SNX4: variants seen among roughly 807,000 people sequenced by gnomAD.
SNX4 encodes sorting nexin 4, also known as sorting nexin-4.
In SNX4, 49 loss-of-function variants were observed where a neutral mutation model predicts 70.8. That is an observed-to-expected ratio of 0.69 (90% CI 0.55 to 0.88). The LOEUF (loss-of-function observed/expected upper bound fraction) is 0.88, where lower values mean the gene tolerates loss of function less well. SNX4 is among the 40% of genes least tolerant of loss of function. The pLI is 0.00. For missense variants in SNX4, 528 were observed against 544.8 expected (o/e 0.97, Z 0.31); for synonymous variants, 206 against 183.8 (o/e 1.12, Z -0.98).
chr3:125,475,969 A>AC (rs1480498734), intron 8 of SNX4, among the ~76,000 whole-genome samples: 1 of 151,018 alleles, frequency 6.6e-6, no homozygotes, highest in Non-Finnish European at 1.5e-5. Context: ...ACAAAGTGAG[A>AC]CCCTGTATTA....
chr3:125,520,089 C>A lies in SNX4; in HGVS notation c.84G>T (p.Gly28=). ...EPLGSPDAGL[G]AAVGKEAEGA... ...CCTCCGCTTCCTTGCCGACCGCAGC[C>A]CCCAGCCCAGCGTCTGGGGAGCCCA... The change falls in exon 1 of 14, where the codon GGG becomes GGT. Residue 28 remains glycine (G), a synonymous_variant. Transcript: ENST00000251775. The A allele has an allele frequency of 6.5e-7, 1 of 1,534,836 alleles. No homozygotes were observed. Among genetic ancestry groups the A allele is most frequent in the South Asian group, 1.2e-5 (1 of 81,856 alleles).
chr3:125,487,654 G>T (rs1281016462), intron 6 of SNX4, among the ~76,000 whole-genome samples: 2 of 151,576 alleles, frequency 1.3e-5, no homozygotes, highest in East Asian at 3.9e-4. Context: ...TATATACCAT[G>T]CATGTTAGTA....
In SNX4 at chr3:125,480,218, G is replaced by A; in HGVS notation, c.726+29C>T. On this transcript the variant is annotated intron_variant, in intron 7 of 13. Transcript: ENST00000251775. ...ATGAGAAGCACTTCCTTATGCATGT[G>A]CATCAAAAAGCTTTTGGGGACCACT... The A allele has an allele frequency of 2.8e-6, 4 of 1,418,042 alleles. No individual in the cohort carries two copies. The South Asian group carries it at 5.8e-5, about 21-fold the overall frequency. The allele number at this position is 1,418,042 out of a possible 1,614,324, so 87.8% of individuals were successfully genotyped here.
At chr3:125,495,285 C>CAAACACAT (rs144579998) in intron 5 of SNX4, among the ~76,000 whole-genome samples, 1 of 61,812 alleles carries the variant, frequency 1.6e-5, no homozygotes, top group Non-Finnish European at 3.4e-5. Context: ...TATACACATA[C>CAAACACAT]ACACACACAC....
chr3:125,488,586 C>G (rs997227894), intron 6 of SNX4, among the ~76,000 whole-genome samples: 1 of 152,072 alleles, frequency 6.6e-6, no homozygotes, highest in Non-Finnish European at 1.5e-5. Context: ...TATGAAAAAT[C>G]AGGGGCATTT....
intron 1 of SNX4, among the ~76,000 whole-genome samples, chr3:125,507,274 G>A (rs145449490): frequency 2.4e-3 from 371 of 151,928 alleles, no homozygotes; most frequent in Non-Finnish European, 4.2e-3. Context: ...TTCACTAGAG[G>A]GGTTCAAAGG....
Position 125,476,768 on chromosome 3 carries a change from A to G in SNX4, c.727-12T>C. On this transcript the variant is annotated splice_polypyrimidine_tract_variant and intron_variant, in intron 7 of 13. Coordinates refer to ENST00000251775, the MANE Select transcript of SNX4 (RefSeq NM_003794.4). ...CGATCTGCTACTCTCTGAAATAAAT[A>G]TTTAATAGAAATTGCTTTTAGGTCA... 6.5e-7 allele frequency: 1 copy of G among 1,537,336 alleles called. No homozygotes were observed. The highest frequency in any genetic ancestry group is 8.9e-7 in the Non-Finnish European group (1 of 1,123,642).
At chr3:125,452,673 A>G (rs1202241893) in intron 12 of SNX4, among the ~76,000 whole-genome samples, 2 of 152,202 alleles carry the variant, frequency 1.3e-5, no homozygotes, top group African/African-American at 4.8e-5. Context: ...GCTAGAGTGC[A>G]GTGGCGTGAT....
At chr3:125,492,802 G>T (rs202232518) in intron 5 of SNX4, among the ~76,000 whole-genome samples, 2 of 152,232 alleles carry the variant, frequency 1.3e-5, no homozygotes, top group Admixed American at 6.5e-5. Context: ...CCAGCATTTG[G>T]AATCTCCACA....
At chr3:125,478,543 C>T (rs2107544163) in intron 7 of SNX4, among the ~76,000 whole-genome samples, 1 of 151,684 alleles carries the variant, frequency 6.6e-6, no homozygotes, top group East Asian at 1.9e-4. Context: ...CATGACTGCT[C>T]AAGGGAGATA....
chr3:125,475,367 A>T (rs959317595), intron 8 of SNX4, among the ~76,000 whole-genome samples: 18 of 151,530 alleles, frequency 1.2e-4, no homozygotes, highest in African/African-American at 1.7e-4. Context: ...CTGAGAAAAA[A>T]TTTTTTTCAT....
At chr3:125,497,813 G>A (rs1195477247) in intron 4 of SNX4, 21 bp downstream of exon 4, 2 of 1,522,248 alleles carry the variant, frequency 1.3e-6, no homozygotes, top group African/African-American at 2.8e-5. Flanking sequence ...ATTTTACTAA[G>A]ACTAAATAAA....
chr3:125,457,123 T>C (rs1258474303), intron 11 of SNX4, 143 bp downstream of exon 11: 4 of 624,006 alleles, frequency 6.4e-6, no homozygotes, highest in Non-Finnish European at 1.1e-5. Flanking sequence ...TCACAAATTA[T>C]TCCCCTGTAA....
Position 125,480,241 on chromosome 3 carries a change from A to G in SNX4, c.726+6T>C, listed in dbSNP as rs370075788. 30 of 1,536,740 alleles carry G rather than the reference A, an allele frequency of 2.0e-5. No individual in the cohort carries two copies. In the African/African-American group the frequency reaches 4.0e-4, roughly 20 times the overall value. On this transcript the variant is annotated splice_donor_region_variant and intron_variant, in intron 7 of 13. Coordinates refer to ENST00000251775, the MANE Select transcript of SNX4 (RefSeq NM_003794.4). ...GTGCATCAAAAAGCTTTTGGGGACC[A>G]CTTACAGCTCTGACTCGAAGAAGAT...
At chr3:125,503,304 A>T (rs1472523185) in intron 2 of SNX4, among the ~76,000 whole-genome samples, 2 of 152,234 alleles carry the variant, frequency 1.3e-5, no homozygotes, top group Non-Finnish European at 2.9e-5. Flanking sequence ...CAGACAGAAA[A>T]GAAATAGTAC....
At chr3:125,458,922 C>T (rs1933805146) in intron 10 of SNX4, among the ~76,000 whole-genome samples, 1 of 150,926 alleles carries the variant, frequency 6.6e-6, no homozygotes, top group Admixed American at 6.6e-5. Flanking sequence ...GCCAGTAATC[C>T]CAGCACTTTG....
intron 5 of SNX4, among the ~76,000 whole-genome samples, chr3:125,491,313 C>T (rs562950068): frequency 3.4e-4 from 52 of 152,266 alleles, no homozygotes; most frequent in African/African-American, 1.2e-3. Context: ...TGTAAGTGTT[C>T]ATGACTTCAG....
At chr3:125,504,506 T>C in intron 2 of SNX4, 117 bp downstream of exon 2, 1 of 1,001,058 alleles carries the variant, frequency 1.0e-6, no homozygotes, top group Non-Finnish European at 1.5e-6. Context: ...AGAAACAAAG[T>C]CAATCCCGAA....
chr3:125,472,069 C>G (rs1273580825), intron 8 of SNX4, among the ~76,000 whole-genome samples: 1 of 152,196 alleles, frequency 6.6e-6, no homozygotes, highest in Admixed American at 6.5e-5. Flanking sequence ...TACATAACAT[C>G]TGTTGCTTCA....
Sources: gnomAD v4.1 joint callset for allele counts (sites outside exome capture counted in the v4.1 genomes callset) on GRCh38, gnomAD v4.1.1 for gene constraint, MANE v1.5 for transcripts, NCBI Gene and HGNC (gene_info 2026-07-23, HGNC 2026-07-21) for gene names.